The following TRPM6 variants were observed in gnomAD, a reference collection of about 807,000 sequenced individuals.
TRPM6 encodes channel kinase 2.
In TRPM6, 111 loss-of-function variants were observed where a neutral mutation model predicts 247.6. That is an observed-to-expected ratio of 0.45 (90% confidence interval 0.38 to 0.52). The LOEUF (loss-of-function observed/expected upper bound fraction) is 0.52, where lower values mean the gene tolerates loss of function less well. TRPM6 is among the 20% of genes least tolerant of loss of function. The probability of loss-of-function intolerance (pLI) is 0.00; values close to 1 mark genes in which losing one functional copy is unlikely to be tolerated. For missense variants in TRPM6, 2,126 were observed against 2,421.5 expected (o/e 0.88, Z 2.56); for synonymous variants, 892 against 853.8 (o/e 1.04, Z -0.78).
In TRPM6 at chr9:74,816,954, A is replaced by C; in HGVS notation, c.1145T>G (p.Phe382Cys). 6.2e-7 allele frequency: 1 copy of C among 1,613,982 alleles called. No individual in the cohort carries two copies. The highest frequency in any genetic ancestry group is 8.5e-7 in the Non-Finnish European group (1 of 1,179,892). The change falls in exon 10 of 39, where the codon TTT (phenylalanine) becomes TGT (cysteine). Residue 382 changes from phenylalanine to cysteine, a missense_variant. This residue lies in a region of TRPM6 where 1,082 missense variants were observed against 1,307.9 expected (regional missense o/e 0.83). Transcript: ENST00000360774. ...TTGCTGCTCTTCAGAGTCAGCATCA[A>C]ATATGGTAATCTACAACAGTGAAAA... ...CMVHRDCITIFDADSEEQQDL... is the reference protein window; with the variant it reads ...CMVHRDCITICDADSEEQQDL...
Position 74,722,820 on chromosome 9 carries a change from A to G in TRPM6, c.*1793T>C, listed in dbSNP as rs1460357207. 3 of 152,244 alleles carry G rather than the reference A, an allele frequency of 2.0e-5. No individual in the cohort carries two copies. The highest frequency in any genetic ancestry group is 7.2e-5 in the African/African-American group (3 of 41,468). The allele number at this position is 152,244 out of a possible 1,614,324, so 9.4% of individuals were successfully genotyped here. Reference sequence around the variant, plus strand: ...TGGAACTCAAACTTACAAGAATCAGAGGCAATCATTGGCAAACTAAATTCT... The same window carrying G: ...TGGAACTCAAACTTACAAGAATCAGGGGCAATCATTGGCAAACTAAATTCT... On this transcript the variant is annotated 3_prime_UTR_variant, in exon 39 of 39. Transcript: ENST00000360774.
intron 25 of TRPM6, among the ~76,000 whole-genome samples, chr9:74,765,370 T>C (rs917839606): frequency 1.3e-5 from 2 of 149,298 alleles, no homozygotes; most frequent in African/African-American, 4.9e-5. Context: ...AAAAACAGGA[T>C]ACAAAATAGT....
intron 1 of TRPM6, among the ~76,000 whole-genome samples, chr9:74,864,533 G>A (rs534257277): frequency 6.6e-6 from 1 of 152,288 alleles, no homozygotes; most frequent in South Asian, 2.1e-4. Context: ...AAAGTGTGTT[G>A]ACTGATTTTC....
chr9:74,849,915 A>G (rs1212696004), intron 3 of TRPM6, among the ~76,000 whole-genome samples: 1 of 152,230 alleles, frequency 6.6e-6, no homozygotes, highest in East Asian at 1.9e-4. Flanking sequence ...GTAACTGAGA[A>G]CCTGTAGCAA....
rs762742282 is a variant in TRPM6, at chr9:74,827,918, G to A, written c.701C>T (p.Pro234Leu). 1.2e-6 allele frequency: 2 copies of A among 1,614,092 alleles called. No homozygotes were observed. Among genetic ancestry groups the A allele is most frequent in the South Asian group, 1.1e-5 (1 of 91,078 alleles). Residue 234 changes from proline (P) to leucine (L), a missense_variant, in exon 7 of 39, where the codon CCC becomes CTC. Around this residue, in one of 3 missense-constraint regions of TRPM6, gnomAD observed 1,082 missense variants for 1,307.9 expected, o/e 0.83. Transcript: ENST00000360774. ...VVCLYQTLDN[P>L]LSKLTTLNSM... ...GTTGAGTGTTGTGAGCTTGCTGAGG[G>A]GGTTATCCAGAGTCTGGTACAGGCA...
chr9:74,757,684 G>A (rs569719199), intron 27 of TRPM6, among the ~76,000 whole-genome samples: 3 of 152,232 alleles, frequency 2.0e-5, no homozygotes, highest in South Asian at 2.1e-4. Context: ...AAACCGAGGC[G>A]GGTGGGTCAC....
At chr9:74,807,396 C>A (rs1828561260) in intron 14 of TRPM6, among the ~76,000 whole-genome samples, 1 of 152,164 alleles carries the variant, frequency 6.6e-6, no homozygotes, top group African/African-American at 2.4e-5. Flanking sequence ...CTAATCCTCC[C>A]CTCATCTTCT....
Position 74,842,322 on chromosome 9 carries a change from A to G in TRPM6, c.174T>C (p.Ile58=). 1 of 1,614,144 alleles carries G rather than the reference A, an allele frequency of 6.2e-7. No homozygotes were observed. The highest frequency in any genetic ancestry group is 1.1e-5 in the South Asian group (1 of 91,082). Residue 58 remains isoleucine, a synonymous_variant, in exon 4 of 39, where the codon ATT becomes ATC. Coordinates refer to ENST00000360774, the MANE Select transcript of TRPM6 (RefSeq NM_017662.5). ...NLIRCYCGRL[I]GDHAGIDYSW... The stretch of plus-strand genomic sequence containing the variant: ...AATAATCTATCCCAGCATGGTCTCC[A>G]ATCAGTCGGCCACAGTAACACCTTA...
intron 1 of TRPM6, among the ~76,000 whole-genome samples, chr9:74,861,396 T>A (rs943713938): frequency 1.3e-5 from 2 of 152,232 alleles, no homozygotes; most frequent in Non-Finnish European, 2.9e-5. Flanking sequence ...TTAACTATTT[T>A]TTTAATTTTT....
At chr9:74,776,779 T>A (rs1299674445) in intron 23 of TRPM6, among the ~76,000 whole-genome samples, 1 of 152,214 alleles carries the variant, frequency 6.6e-6, no homozygotes, top group East Asian at 1.9e-4. Context: ...AAGTATATAA[T>A]ATGATATAAG....
At chr9:74,750,070 T>C (rs1281066035) in intron 30 of TRPM6, among the ~76,000 whole-genome samples, 2 of 152,308 alleles carry the variant, frequency 1.3e-5, no homozygotes, top group Non-Finnish European at 1.5e-5. Flanking sequence ...TCTCTAGATA[T>C]ATACTAATAA....
intron 14 of TRPM6, among the ~76,000 whole-genome samples, chr9:74,806,602 G>A (rs1356631764): frequency 2.0e-5 from 3 of 152,126 alleles, no homozygotes; most frequent in Non-Finnish European, 4.4e-5. Context: ...TACTAACGAT[G>A]ACTCTGCACC....
At chr9:74,850,100 A>G (rs1385391181) in intron 3 of TRPM6, among the ~76,000 whole-genome samples, 2 of 152,170 alleles carry the variant, frequency 1.3e-5, no homozygotes, top group Non-Finnish European at 2.9e-5. Flanking sequence ...GGCTGGGCGC[A>G]GTGGCTCACG....
Position 74,827,824 on chromosome 9 carries a change from G to A in TRPM6, c.795C>T (p.Leu265=). ...AGAGGTACTTCTCCAGGTTCCTTCTGAGCTTCATTTCATTTCCATACTTGC... is the reference window on the plus strand; with the variant it reads ...AGAGGTACTTCTCCAGGTTCCTTCTAAGCTTCATTTCATTTCCATACTTGC... ...TVGKYGNEMK[L]RRNLEKYLSL... is the part of the protein sequence containing the mutation. Residue 265 remains leucine (L), a synonymous_variant, in exon 7 of 39, where the codon CTC becomes CTT. Coordinates refer to ENST00000360774, the MANE Select transcript of TRPM6 (RefSeq NM_017662.5). The A allele has an allele frequency of 6.2e-7, 1 of 1,614,110 alleles. No homozygotes were observed. The highest frequency in any genetic ancestry group is 8.5e-7 in the Non-Finnish European group (1 of 1,180,022).
chr9:74,840,136 C>T lies in TRPM6; in HGVS notation c.432G>A (p.Gly144=), dbSNP rs868358987. 5 of 1,613,846 alleles carry T rather than the reference C, an allele frequency of 3.1e-6. No homozygotes were observed. In the Admixed American group the frequency reaches 8.3e-5, roughly 27 times the overall value. The change falls in exon 5 of 39, where the codon GGG becomes GGA. Residue 144 remains glycine, a synonymous_variant. Coordinates refer to ENST00000360774, the MANE Select transcript of TRPM6 (RefSeq NM_017662.5). ...ELPKLVISVH[G]GIQNFTMPSK... ...AGGGCATAGTAAAGTTCTGGATGCC[C>T]CCATGGACTGAGATCACAAGCTTGG...
rs188809619 is a variant in TRPM6 at position 74,876,656 on chromosome 9, C to T, written c.33+11168G>A. On this transcript the variant is annotated intron_variant, in intron 1 of 38. Coordinates refer to ENST00000360774, the MANE Select transcript of TRPM6 (RefSeq NM_017662.5). The stretch of plus-strand genomic sequence containing the variant: ...CTATCGCTTACCCACAACACTTGTG[C>T]TTATACCAATCCCTGAAGCACTATA... Among the ~76,000 whole-genome samples the T allele has an allele frequency of 2.2e-3, 330 of 152,316 alleles. 4 individuals are homozygous for T. Among genetic ancestry groups the T allele is most frequent in the African/African-American group, 7.6e-3 (315 of 41,572 alleles).
At chr9:74,743,363 C>T (rs969333190) in intron 32 of TRPM6, among the ~76,000 whole-genome samples, 1 of 152,342 alleles carries the variant, frequency 6.6e-6, no homozygotes, top group South Asian at 2.1e-4. Flanking sequence ...TAAGCTCTTA[C>T]TCATGTATTG....
At chr9:74,879,362 C>T (rs1402762031) in intron 1 of TRPM6, among the ~76,000 whole-genome samples, 2 of 150,470 alleles carry the variant, frequency 1.3e-5, no homozygotes, top group African/African-American at 4.9e-5. Flanking sequence ...TAACAAGGAA[C>T]CATTTTATAT....
intron 11 of TRPM6, among the ~76,000 whole-genome samples, chr9:74,815,667 T>TGAAAAA (rs1828900548): frequency 6.6e-6 from 1 of 152,198 alleles, no homozygotes; most frequent in Admixed American, 6.5e-5. Flanking sequence ...TTGAAAAATT[T>TGAAAAA]CTGAAACTAA....
Sources: allele counts gnomAD v4.1 joint callset (sites outside exome capture counted in the v4.1 genomes callset), GRCh38; gene constraint gnomAD v4.1.1; regional missense constraint gnomAD v4.1.1; transcripts MANE v1.5; gene names NCBI Gene and HGNC (gene_info 2026-07-23, HGNC 2026-07-21).